The following ARHGAP4 variants were observed in gnomAD, a reference collection of about 807,000 sequenced individuals.
ARHGAP4 encodes rho GTPase-activating protein 4.
ARHGAP4 carries 25 observed loss-of-function variants against 67.6 expected under a neutral mutation model. The ratio of observed to expected loss-of-function variants is 0.37; its 90% CI spans 0.27 to 0.52. The LOEUF (loss-of-function observed/expected upper bound fraction) is 0.52, where lower values mean the gene tolerates loss of function less well. Among genes scored for constraint, ARHGAP4 ranks in the 20% least tolerant of loss-of-function variants. The probability of loss-of-function intolerance (pLI) is 0.92; values close to 1 mark genes in which losing one functional copy is unlikely to be tolerated. For missense variants in ARHGAP4, 804 were observed against 854.6 expected, an observed-to-expected ratio of 0.94 and a Z score of 0.74; for synonymous variants, 448 against 373.7, an observed-to-expected ratio of 1.20 and a Z score of -2.29.
chrX:153,910,302 C>T lies in ARHGAP4; in HGVS notation c.2025G>A (p.Ala675=), dbSNP rs1455566227. 1.2e-5 allele frequency: 15 copies of T among 1,208,171 alleles called. No homozygotes were observed. The highest frequency in any genetic ancestry group is 1.8e-5 in the South Asian group (1 of 56,630). ...LPVPAGQDPV[A]LQGRVNQLVQ... is the part of the protein sequence containing the mutation. Reference sequence around the variant, plus strand: ...CCAGCTGGTTCACCCGGCCCTGCAGCGCCACCGGGTCCTGCCCAGCGGGCA... The same window carrying T: ...CCAGCTGGTTCACCCGGCCCTGCAGTGCCACCGGGTCCTGCCCAGCGGGCA... The change falls in exon 17 of 22, where the codon GCG becomes GCA. Residue 675 remains alanine (A), a synonymous_variant. Coordinates refer to ENST00000350060, the MANE Select transcript of ARHGAP4 (RefSeq NM_001666.5).
chrX:153,910,438 C>T lies in ARHGAP4; in HGVS notation c.1923-34G>A, dbSNP rs782276643. 19 of 1,180,472 alleles carry T rather than the reference C, an allele frequency of 1.6e-5. No homozygotes were observed. In the South Asian group the frequency reaches 1.7e-4, roughly 10 times the overall value. On this transcript the variant is annotated intron_variant, in intron 16 of 21. Coordinates refer to ENST00000350060, the MANE Select transcript of ARHGAP4 (RefSeq NM_001666.5). ...ACACGCACATCACAAGCAGAGAGCC[C>T]GCACCCCGAGTCCCCCTGTCCCCTC...
rs1245252687 is a variant in ARHGAP4 at position 153,907,671 on chromosome X, G to GGA, written c.*56_*57dup. On this transcript the variant is annotated 3_prime_UTR_variant, in exon 22 of 22. Transcript: ENST00000350060. ...GGCTGGAGAGAAGCAAGGGGGCTGG[G>GGA]GAGAGTGGCCGGTCCAGCGGGTAGC... 5.1e-6 allele frequency: 3 copies of GGA among 585,641 alleles called. No homozygotes were observed. The highest frequency in any genetic ancestry group is 7.4e-6 in the Non-Finnish European group (3 of 407,822). The allele number at this position is 585,641 out of a possible 1,213,427, so 48.3% of individuals were successfully genotyped here.
At position 153,913,514 on chromosome X, in the gene ARHGAP4, G is replaced by A; in HGVS notation, c.1221C>T (p.Thr407=). The A allele has an allele frequency of 8.3e-7, 1 of 1,211,980 alleles. No homozygotes were observed. Among genetic ancestry groups the A allele is most frequent in the Non-Finnish European group, 1.1e-6 (1 of 895,546 alleles). ...DDGDVLDSFQ[T]SPSTESLKST... is the part of the protein sequence containing the mutation. Reference sequence around the variant, plus strand: ...ACTTGAGGGACTCGGTGGAGGGGCTGGTCTGGAAGGAATCAAGCACATCCC... The same window carrying A: ...ACTTGAGGGACTCGGTGGAGGGGCTAGTCTGGAAGGAATCAAGCACATCCC... Residue 407 remains threonine (T), a synonymous_variant, in exon 9 of 22, where the codon ACC becomes ACT. Transcript: ENST00000350060.
chrX:153,925,881 T>G (rs782736608), intron 1 of ARHGAP4, among the ~76,000 whole-genome samples: 60 of 112,458 alleles, frequency 5.3e-4, no homozygotes, highest in Non-Finnish European at 1.0e-3. Context: ...GAACCTTGGG[T>G]GAGAAGCGGT....
chrX:153,915,195 A>G (rs1183791988), intron 7 of ARHGAP4, among the ~76,000 whole-genome samples: 13 of 85,821 alleles, frequency 1.5e-4, no homozygotes, highest in South Asian at 8.3e-4. Context: ...TGAACTCTGT[A>G]GAGACGGACA....
chrX:153,914,150 C>A, intron 7 of ARHGAP4: 1 of 370,719 alleles, frequency 2.7e-6, no homozygotes, highest in Non-Finnish European at 4.8e-6. Context: ...GATTCAGCCA[C>A]GAGAAGGAAT....
rs1217425942 is a variant in ARHGAP4, at chrX:153,908,247, C to T, written c.2608-285G>A. On this transcript the variant is annotated intron_variant, in intron 21 of 21. Coordinates refer to ENST00000350060, the MANE Select transcript of ARHGAP4 (RefSeq NM_001666.5). ...TTTCCCTGGCAGAGATCACAGCCCC[C>T]TGCCCATGGCCTCAGGGACCGCCAG... is the stretch of plus-strand genomic sequence containing the variant. Among the ~76,000 whole-genome samples, 4 of 112,406 alleles carry T rather than the reference C, an allele frequency of 3.6e-5. 1 individual carries two copies. The South Asian group carries it at 1.5e-3, about 41-fold the overall frequency.
chrX:153,918,719 C>CT (rs1297432795), intron 7 of ARHGAP4, 113 bp downstream of exon 7: 1 of 849,506 alleles, frequency 1.2e-6, no homozygotes, highest in Non-Finnish European at 1.7e-6. Flanking sequence ...GCCGCACTGC[C>CT]TGAGACCATG....
chrX:153,919,577 G>C (rs782446131), intron 5 of ARHGAP4: 1 of 1,162,372 alleles, frequency 8.6e-7, no homozygotes, highest in South Asian at 1.9e-5. Context: ...CTGATGAGTG[G>C]AAGGTGCGCA....
Position 153,910,909 on chromosome X carries a change from T to TG in ARHGAP4, c.1681+12dup. 1 of 333,497 alleles carries TG rather than the reference T, an allele frequency of 3.0e-6. No homozygotes were observed. Among genetic ancestry groups the TG allele is most frequent in the Admixed American group, 9.6e-5 (1 of 10,442 alleles). 27.5% of individuals were successfully genotyped at this position (333,497 alleles called of 1,213,427 possible). ...CCCGAGCCCCCACCCCCGCCCGCCC[T>TG]GCCCGTCCCCACCTCTCTCGAAGGC... is the stretch of plus-strand genomic sequence containing the variant. On this transcript the variant is annotated intron_variant, in intron 14 of 21. Transcript: ENST00000350060.
intron 3 of ARHGAP4, 89 bp from the exon 4 acceptor site, chrX:153,921,248 G>A (rs2065091709): frequency 8.5e-7 from 1 of 1,176,676 alleles, no homozygotes; most frequent in Non-Finnish European, 1.1e-6. Context: ...CCCCATCGGG[G>A]GGGCACACAG....
rs782139008 is a variant in ARHGAP4 at position 153,913,313 on chromosome X, C to T, written c.1327-11G>A. On this transcript the variant is annotated splice_polypyrimidine_tract_variant and intron_variant, in intron 9 of 21. Coordinates refer to ENST00000350060, the MANE Select transcript of ARHGAP4 (RefSeq NM_001666.5). Reference sequence around the variant, plus strand: ...ATACTCCTGGAGCTTCTGGGCAGCCCCAAGAAGAGCCCCAAGTGTTAGCCC... The same window carrying T: ...ATACTCCTGGAGCTTCTGGGCAGCCTCAAGAAGAGCCCCAAGTGTTAGCCC... The T allele has an allele frequency of 8.4e-7, 1 of 1,189,735 alleles. No individual in the cohort carries two copies. The highest frequency in any genetic ancestry group is 1.8e-5 in the South Asian group (1 of 54,854).
At chrX:153,918,115 G>A (rs1402063521) in intron 7 of ARHGAP4, among the ~76,000 whole-genome samples, 1 of 113,100 alleles carries the variant, frequency 8.8e-6, no homozygotes, top group Non-Finnish European at 1.9e-5. Flanking sequence ...TCCTAATACA[G>A]TACATGGCTC....
chrX:153,909,695 GGGGAGACTCC>G (rs1291908047), intron 19 of ARHGAP4, 36 bp downstream of exon 19: 1 of 1,141,709 alleles, frequency 8.8e-7, no homozygotes, highest in Non-Finnish European at 1.2e-6. Flanking sequence ...GGTGGATGAA[GGGGAGACTCC>G]GGGAGCCCTG....
Position 153,921,658 on chromosome X carries a change from G to T in ARHGAP4, c.219C>A (p.Arg73=). The T allele has an allele frequency of 8.3e-7, 1 of 1,209,484 alleles. No individual in the cohort carries two copies. Among genetic ancestry groups the T allele is most frequent in the Non-Finnish European group, 1.1e-6 (1 of 894,777 alleles). The change falls in exon 2 of 22, where the codon CGC becomes CGA. Residue 73 remains arginine (R), a synonymous_variant. Coordinates refer to ENST00000350060, the MANE Select transcript of ARHGAP4 (RefSeq NM_001666.5). ...YSRGLEKLAE[R]FSSRGGRLGS... ...CCAGGCGGCCTCCACGGCTGGAGAAGCGCTCGGCCAGCTTTTCCAGGCCCC... is the reference window on the plus strand; with the variant it reads ...CCAGGCGGCCTCCACGGCTGGAGAATCGCTCGGCCAGCTTTTCCAGGCCCC...
At chrX:153,925,718 A>AG (rs1323258115) in intron 1 of ARHGAP4, among the ~76,000 whole-genome samples, 2 of 111,995 alleles carry the variant, frequency 1.8e-5, no homozygotes, top group African/African-American at 6.5e-5. Context: ...GGTTACGGCC[A>AG]GGTGATCTCC....
In ARHGAP4 at chrX:153,923,489, C is replaced by T. The variant is rs377211366; in HGVS notation, c.68-1680G>A. On this transcript the variant is annotated intron_variant, in intron 1 of 21. Transcript: ENST00000350060. The stretch of plus-strand genomic sequence containing the variant: ...CATCCCTCTGTCCCTCCACTCCCTG[C>T]CCCCACCAGACTAGCCAGGTGAGGG... 2.3e-3 allele frequency among the ~76,000 whole-genome samples: 263 copies of T among 112,161 alleles called. 1 individual carries two copies. Among genetic ancestry groups the T allele is most frequent in the Non-Finnish European group, 3.0e-3 (158 of 53,116 alleles).
Position 153,910,687 on chromosome X carries a change from G to A in ARHGAP4, c.1816+13C>T. 8.4e-7 allele frequency: 1 copy of A among 1,192,392 alleles called. No homozygotes were observed. The highest frequency in any genetic ancestry group is 1.1e-6 in the Non-Finnish European group (1 of 885,589). Reference sequence around the variant, plus strand: ...AAGTGCCCTACCCCGCCAGCCTCAGGCCCCAGCCTCACCCGAAGAAGCCAG... The same window carrying A: ...AAGTGCCCTACCCCGCCAGCCTCAGACCCCAGCCTCACCCGAAGAAGCCAG... On this transcript the variant is annotated intron_variant, in intron 15 of 21. Coordinates refer to ENST00000350060, the MANE Select transcript of ARHGAP4 (RefSeq NM_001666.5).
chrX:153,918,967 C>A lies in ARHGAP4; in HGVS notation c.897G>T (p.Val299=). The A allele has an allele frequency of 8.2e-7, 1 of 1,212,218 alleles. No individual in the cohort carries two copies. The highest frequency in any genetic ancestry group is 1.1e-6 in the Non-Finnish European group (1 of 895,584). Residue 299 remains valine, a synonymous_variant, in exon 7 of 22, where the codon GTG becomes GTT. Coordinates refer to ENST00000350060, the MANE Select transcript of ARHGAP4 (RefSeq NM_001666.5). ...AAESRTQASQ[V]QGLGSLEEAV... ...CTTCTTCCAGGCTGCCCAGGCCCTG[C>A]ACTTGGGAGGCTTGGGTGCGGCTCT...
Sources: gnomAD v4.1 joint callset for allele counts (sites outside exome capture counted in the v4.1 genomes callset) on GRCh38, gnomAD v4.1.1 for gene constraint, MANE v1.5 for transcripts, NCBI Gene and HGNC (gene_info 2026-07-23, HGNC 2026-07-21) for gene names.